CDC42BPB: variants seen among roughly 807,000 people sequenced by gnomAD.
The protein encoded by CDC42BPB is CDC42 binding protein kinase beta.
CDC42BPB carries 37 observed loss-of-function variants against 214.9 expected under a neutral mutation model. The ratio of observed to expected loss-of-function variants is 0.17; its 90% CI spans 0.13 to 0.23. The LOEUF (loss-of-function observed/expected upper bound fraction) is 0.23. CDC42BPB is among the 10% of genes least tolerant of loss of function. The probability of loss-of-function intolerance (pLI) is 1.00; values close to 1 mark genes in which losing one functional copy is unlikely to be tolerated. For missense variants in CDC42BPB, 1,694 were observed against 2,227.0 expected, an observed-to-expected ratio of 0.76 and a Z score of 4.82; for synonymous variants, 931 against 884.0, an observed-to-expected ratio of 1.05 and a Z score of -0.94.
chr14:102,958,467 T>C (rs536554221), intron 21 of CDC42BPB, among the ~76,000 whole-genome samples: 1 of 152,144 alleles, frequency 6.6e-6, no homozygotes, highest in South Asian at 2.1e-4. Context: ...TTCCCCACCC[T>C]GCACCCCATC....
rs901487183 is a variant in CDC42BPB at position 102,932,467 on chromosome 14, GACTT to G, written c.*1241_*1244del. 6.6e-6 allele frequency: 1 copy of G among 152,330 alleles called. No homozygotes were observed. The highest frequency in any genetic ancestry group is 1.5e-5 in the Non-Finnish European group (1 of 68,036). 9.4% of individuals were successfully genotyped at this position (152,330 alleles called of 1,614,324 possible). A position where few individuals can be genotyped will look rare whatever the true frequency, so the allele number is the denominator to read the frequency against. ...TTCAATAATTAATTACAAAGACTGAGACTTACATTAAAAAAGTAAAAACCAGAAC... is the reference window on the plus strand; with the variant it reads ...TTCAATAATTAATTACAAAGACTGAGACATTAAAAAAGTAAAAACCAGAAC... On this transcript the variant is annotated 3_prime_UTR_variant, in exon 37 of 37. Coordinates refer to ENST00000361246, the MANE Select transcript of CDC42BPB (RefSeq NM_006035.4).
chr14:102,996,639 C>A (rs929680649), intron 5 of CDC42BPB, among the ~76,000 whole-genome samples: 1 of 151,636 alleles, frequency 6.6e-6, no homozygotes, highest in Non-Finnish European at 1.5e-5. Flanking sequence ...ATGGAGAAAC[C>A]CCATCTCTAC....
chr14:103,056,887 G>A (rs1595208324), intron 1 of CDC42BPB, 112 bp downstream of exon 1: 3 of 713,676 alleles, frequency 4.2e-6, no homozygotes, highest in Non-Finnish European at 6.2e-6. Context: ...GAGCTGGGTG[G>A]GCAGGAGGGC....
At chr14:102,990,632 T>C (rs866211527) in intron 5 of CDC42BPB, among the ~76,000 whole-genome samples, 3 of 152,116 alleles carry the variant, frequency 2.0e-5, no homozygotes, top group South Asian at 2.1e-4. Flanking sequence ...GGCAACCCCA[T>C]AGTAATGCGC....
intron 1 of CDC42BPB, among the ~76,000 whole-genome samples, chr14:103,056,710 T>G (rs1888986895): frequency 7.2e-6 from 1 of 137,990 alleles, no homozygotes; most frequent in Non-Finnish European, 1.6e-5. Context: ...AGGATGTGGC[T>G]CCAAGGGGCA....
rs373888642 is a variant in CDC42BPB at position 103,053,240 on chromosome 14, C to T, written c.175+3759G>A. Among the ~76,000 whole-genome samples, 5 of 151,722 alleles carry T rather than the reference C, an allele frequency of 3.3e-5. No individual in the cohort carries two copies. In the South Asian group the frequency reaches 6.3e-4, roughly 19 times the overall value. Reference sequence around the variant, plus strand: ...GCAGGCACCTATAATCCCAGCTACTCGGGAGACTGAGGCAGAGAATTGCTT... The same window carrying T: ...GCAGGCACCTATAATCCCAGCTACTTGGGAGACTGAGGCAGAGAATTGCTT... On this transcript the variant is annotated intron_variant, in intron 1 of 36. Coordinates refer to ENST00000361246, the MANE Select transcript of CDC42BPB (RefSeq NM_006035.4).
chr14:102,966,596 CT>C lies in CDC42BPB; in HGVS notation c.2472-210del, dbSNP rs1410317587. 4 of 794,082 alleles carry C rather than the reference CT, an allele frequency of 5.0e-6. No individual in the cohort carries two copies. The African/African-American group carries it at 7.5e-5, about 15-fold the overall frequency. 49.2% of individuals were successfully genotyped at this position (794,082 alleles called of 1,614,324 possible). On this transcript the variant is annotated intron_variant, in intron 17 of 36. Transcript: ENST00000361246. Reference sequence around the variant, plus strand: ...GACTGCAGTTTAAAAAGACACCAAACTTCCAAGACTCAAGAATGAAAAAATT... The same window carrying C: ...GACTGCAGTTTAAAAAGACACCAAACTCCAAGACTCAAGAATGAAAAAATT...
At chr14:102,986,827 C>T in intron 5 of CDC42BPB, 2 of 671,012 alleles carry the variant, frequency 3.0e-6, no homozygotes, top group Non-Finnish European at 3.7e-6. Context: ...CTCGTCTGCC[C>T]ACCCAGCTAA....
rs1203229851 is a variant in CDC42BPB, at chr14:103,057,205, C to A, written c.-32G>T. On this transcript the variant is annotated 5_prime_UTR_variant, in exon 1 of 37. Coordinates refer to ENST00000361246, the MANE Select transcript of CDC42BPB (RefSeq NM_006035.4). Reference sequence around the variant, plus strand: ...GCGCGGCCCGCTCCCGACGCGCCGGCCTCTCACCGCCGGCTCGGCCAGTCC... The same window carrying A: ...GCGCGGCCCGCTCCCGACGCGCCGGACTCTCACCGCCGGCTCGGCCAGTCC... 3.0e-6 allele frequency: 4 copies of A among 1,332,062 alleles called. No homozygotes were observed. 82.5% of individuals were successfully genotyped at this position (1,332,062 alleles called of 1,614,324 possible). A position where few individuals can be genotyped will look rare whatever the true frequency, so the allele number is the denominator to read the frequency against.
At chr14:103,017,255 GA>G (rs1275385760) in intron 1 of CDC42BPB, among the ~76,000 whole-genome samples, 1 of 152,178 alleles carries the variant, frequency 6.6e-6, no homozygotes, top group Non-Finnish European at 1.5e-5. Context: ...CCGGGAGGTG[GA>G]GGCTGCAGTG....
intron 1 of CDC42BPB, among the ~76,000 whole-genome samples, chr14:103,021,185 G>A (rs1013887582): frequency 2.6e-5 from 4 of 152,234 alleles, no homozygotes; most frequent in Non-Finnish European, 5.9e-5. Context: ...ATGTGGCCGC[G>A]TGCAGTGGCT....
intron 1 of CDC42BPB, among the ~76,000 whole-genome samples, chr14:103,033,168 G>A (rs1277989070): frequency 6.6e-6 from 1 of 152,116 alleles, no homozygotes; most frequent in Non-Finnish European, 1.5e-5. Flanking sequence ...GTTGATAACT[G>A]TTGAAACTGG....
Position 102,999,420 on chromosome 14 carries a change from G to A in CDC42BPB, c.596+145C>T, listed in dbSNP as rs565402494. 1.1e-5 allele frequency: 8 copies of A among 698,068 alleles called. 1 individual carries two copies. Among genetic ancestry groups the A allele is most frequent in the African/African-American group, 7.2e-5 (4 of 55,872 alleles). 43.2% of individuals were successfully genotyped at this position (698,068 alleles called of 1,614,324 possible). A position where few individuals can be genotyped will look rare whatever the true frequency, so the allele number is the denominator to read the frequency against. On this transcript the variant is annotated intron_variant, in intron 5 of 36. Transcript: ENST00000361246. ...TGCTGGGGCTGGAAGACGGTGATGT[G>A]GGCAAATCAGTCTGTGCTGCGGCAG...
chr14:103,045,133 A>G (rs956443727), intron 1 of CDC42BPB, among the ~76,000 whole-genome samples: 1 of 152,132 alleles, frequency 6.6e-6, no homozygotes, highest in Non-Finnish European at 1.5e-5. Context: ...TTTTAATTCA[A>G]TGATTTTGCA....
chr14:103,051,185 A>T (rs1165781717), intron 1 of CDC42BPB, among the ~76,000 whole-genome samples: 1 of 149,048 alleles, frequency 6.7e-6, no homozygotes, highest in Non-Finnish European at 1.5e-5. Flanking sequence ...CACGCAGTTC[A>T]CATTGCCAAA....
rs371972643 is a variant in CDC42BPB, at chr14:102,944,131, A to G, written c.4168T>C (p.Tyr1390His). Residue 1390 changes from tyrosine (Y) to histidine (H), a missense_variant, in exon 30 of 37, where the codon TAC becomes CAC. Tyr to His is a moderately conservative substitution (Grantham distance 83). Transcript: ENST00000361246. This position sits in a 1 kb window ranked among gnomAD's most constrained non-coding sequence, Gnocchi z 6.6. ...CTCAGCAGGCAGAACCCAGAAGGGTAGCCCACACAGAGCCTGTCCCTGAGC... is the reference window on the plus strand; with the variant it reads ...CTCAGCAGGCAGAACCCAGAAGGGTGGCCCACACAGAGCCTGTCCCTGAGC... ...AVLRDRLCVG[Y>H]PSGFCLLSIQ... is the part of the protein sequence containing the mutation. The G allele has an allele frequency of 8.7e-6, 14 of 1,613,146 alleles. No homozygotes were observed. The highest frequency in any genetic ancestry group is 1.3e-5 in the African/African-American group (1 of 74,946).
chr14:102,946,078 G>A (rs977633384), intron 28 of CDC42BPB, among the ~76,000 whole-genome samples: 12 of 152,000 alleles, frequency 7.9e-5, no homozygotes, highest in Non-Finnish European at 1.5e-4. Flanking sequence ...GTGTGATCTC[G>A]GCTCACTGTA....
chr14:103,033,888 C>T (rs1264786494), intron 1 of CDC42BPB, among the ~76,000 whole-genome samples: 1 of 152,184 alleles, frequency 6.6e-6, no homozygotes, highest in African/African-American at 2.4e-5. Flanking sequence ...GGAAAATCAG[C>T]CCCACGCCTG....
At chr14:102,953,880 T>C (rs1423498672) in intron 23 of CDC42BPB, among the ~76,000 whole-genome samples, 3 of 152,160 alleles carry the variant, frequency 2.0e-5, no homozygotes, top group Non-Finnish European at 4.4e-5. Flanking sequence ...TGTGGAGAAG[T>C]AAGCTGCCTA....
Sources: gnomAD v4.1 joint callset for allele counts (sites outside exome capture counted in the v4.1 genomes callset) on GRCh38, gnomAD v4.1.1 for gene constraint, Gnocchi (gnomAD v3.1) non-coding constraint, MANE v1.5 for transcripts, NCBI Gene and HGNC (gene_info 2026-07-23, HGNC 2026-07-21) for gene names.